The following SLC39A12 variants were observed in gnomAD, a reference collection of about 807,000 sequenced individuals.
SLC39A12 encodes the protein zinc transporter ZIP12.
In SLC39A12, 63 loss-of-function variants were observed where a neutral mutation model predicts 71.1. That is an observed-to-expected ratio of 0.89 (90% CI 0.72 to 1.09). The LOEUF (loss-of-function observed/expected upper bound fraction) is 1.09, where lower values mean the gene tolerates loss of function less well. Among genes scored for constraint, SLC39A12 ranks in the 50% least tolerant of loss-of-function variants. SLC39A12 has a pLI of 0.00. For missense variants in SLC39A12, 892 were observed against 812.6 expected (o/e 1.10, Z -1.19); for synonymous variants, 351 against 301.3 (o/e 1.16, Z -1.71).
At chr10:17,997,382 T>C (rs1197004934) in intron 10 of SLC39A12, among the ~76,000 whole-genome samples, 1 of 152,240 alleles carries the variant, frequency 6.6e-6, no homozygotes, top group Admixed American at 6.5e-5. Flanking sequence ...TGTAATTACA[T>C]ATTTTGTCCA....
At chr10:18,036,233 G>C (rs560234713) in intron 12 of SLC39A12, among the ~76,000 whole-genome samples, 1 of 152,322 alleles carries the variant, frequency 6.6e-6, no homozygotes, top group African/African-American at 2.4e-5. Flanking sequence ...AATGGCGGGC[G>C]CCCCTCCCCC....
At chr10:17,965,953 A>G (rs1589221862) in intron 4 of SLC39A12, among the ~76,000 whole-genome samples, 1 of 152,222 alleles carries the variant, frequency 6.6e-6, no homozygotes, top group Non-Finnish European at 1.5e-5. Flanking sequence ...AGGCGATTTT[A>G]TGATCTGCCA....
chr10:17,963,069 G>A (rs947972573), intron 3 of SLC39A12, among the ~76,000 whole-genome samples: 2 of 152,148 alleles, frequency 1.3e-5, no homozygotes, highest in Admixed American at 6.5e-5. Context: ...GCTAAGGTGG[G>A]AGGATGGCTT....
chr10:17,984,425 C>T (rs1352450627), intron 6 of SLC39A12, among the ~76,000 whole-genome samples: 1 of 152,212 alleles, frequency 6.6e-6, no homozygotes, highest in Non-Finnish European at 1.5e-5. Flanking sequence ...CCTGATTTGT[C>T]ATTGTGCTTT....
At chr10:18,042,102 G>A (rs1461667434) in intron 12 of SLC39A12, among the ~76,000 whole-genome samples, 2 of 151,956 alleles carry the variant, frequency 1.3e-5, no homozygotes, top group East Asian at 1.9e-4. Flanking sequence ...TAATTTTGAT[G>A]CATTATTTAC....
In SLC39A12 at chr10:18,013,384, T is replaced by C. The variant is rs1836288708; in HGVS notation, c.1947+10026T>C. 2.8e-5 allele frequency among the ~76,000 whole-genome samples: 4 copies of C among 140,892 alleles called. No individual in the cohort carries two copies. In the Admixed American group the frequency reaches 2.9e-4, roughly 10 times the overall value. The allele number at this position is 140,892 out of a possible 152,430, so 92.4% of individuals were successfully genotyped here. ...TTATTATTATTATTATTATTATTAT[T>C]AGAGACAGAGTCTTGCTGTGTTGCC... On this transcript the variant is annotated intron_variant, in intron 12 of 12. Coordinates refer to ENST00000377369, the MANE Select transcript of SLC39A12 (RefSeq NM_001145195.2).
At chr10:17,967,463 C>T (rs1228087983) in intron 4 of SLC39A12, among the ~76,000 whole-genome samples, 1 of 152,128 alleles carries the variant, frequency 6.6e-6, no homozygotes, top group African/African-American at 2.4e-5. Context: ...AACTTCCCCT[C>T]GTCACTACTT....
Position 18,042,170 on chromosome 10 carries a change from A to G in SLC39A12, c.1948-535A>G, listed in dbSNP as rs114499710. Among the ~76,000 whole-genome samples the G allele has an allele frequency of 1.3e-3, 197 of 152,104 alleles. 1 individual carries two copies. Among genetic ancestry groups the G allele is most frequent in the African/African-American group, 4.5e-3 (187 of 41,420 alleles). On this transcript the variant is annotated intron_variant, in intron 12 of 12. Transcript: ENST00000377369. ...TTGGGTTTGTTTTTGGTTGGTAACT[A>G]TGTCATTTTAAGACTTCTACCAAAG...
intron 11 of SLC39A12, among the ~76,000 whole-genome samples, chr10:18,001,152 G>A (rs1835822707): frequency 6.6e-6 from 1 of 152,150 alleles, no homozygotes; most frequent in African/African-American, 2.4e-5. Flanking sequence ...TATTAAATGT[G>A]AGAAAAATAT....
At chr10:18,038,053 C>G (rs1416661829) in intron 12 of SLC39A12, among the ~76,000 whole-genome samples, 1 of 61,278 alleles carries the variant, frequency 1.6e-5, no homozygotes, top group Non-Finnish European at 3.2e-5. Context: ...AAAAAAAAAG[C>G]ACAGCTAACT....
chr10:17,961,886 G>T (rs1554848460), intron 3 of SLC39A12, 24 bp downstream of exon 3: 2 of 1,600,660 alleles, frequency 1.2e-6, no homozygotes, highest in South Asian at 1.1e-5. Flanking sequence ...ATTGCTAACT[G>T]GCTCTGCTGC....
intron 12 of SLC39A12, among the ~76,000 whole-genome samples, chr10:18,011,078 CCCTTCCTT>C (rs968266172): frequency 6.6e-6 from 1 of 151,872 alleles, no homozygotes; most frequent in East Asian, 1.9e-4. Context: ...GGTATTTCCT[CCCTTCCTT>C]CCTTCCTTCC....
intron 12 of SLC39A12, among the ~76,000 whole-genome samples, chr10:18,033,206 A>AT (rs1836900623): frequency 7.0e-6 from 1 of 142,802 alleles, no homozygotes; most frequent in Non-Finnish European, 1.5e-5. Context: ...TATTGATTGG[A>AT]ATAGTTTCAG....
At chr10:17,985,933 C>T (rs535977154) in intron 6 of SLC39A12, among the ~76,000 whole-genome samples, 21 of 152,192 alleles carry the variant, frequency 1.4e-4, no homozygotes, top group East Asian at 1.2e-3. Flanking sequence ...TTTTTATTAT[C>T]GACTGTTACA....
At chr10:18,036,179 G>C (rs1216251675) in intron 12 of SLC39A12, among the ~76,000 whole-genome samples, 1 of 152,260 alleles carries the variant, frequency 6.6e-6, no homozygotes, top group Non-Finnish European at 1.5e-5. Flanking sequence ...GTTCCACCCA[G>C]TTCCAGCTTC....
At position 17,978,047 on chromosome 10, in the gene SLC39A12, T is replaced by G; in HGVS notation, c.897T>G (p.Ser299=). ...SNFSSSMEKE[S]EDGPVSWDQT... is the part of the protein sequence containing the mutation. ...TCTCTTCATCCATGGAAAAAGAGTC[T>G]GAGGATGGTCCAGTTTCCTGGGATC... The change falls in exon 5 of 13, where the codon TCT becomes TCG. Residue 299 remains serine, a synonymous_variant. Coordinates refer to ENST00000377369, the MANE Select transcript of SLC39A12 (RefSeq NM_001145195.2). The G allele has an allele frequency of 6.2e-7, 1 of 1,604,320 alleles. No homozygotes were observed. The highest frequency in any genetic ancestry group is 2.3e-5 in the East Asian group (1 of 44,406).
intron 12 of SLC39A12, among the ~76,000 whole-genome samples, chr10:18,041,537 C>T (rs112701569): frequency 0.059 from 815 of 13,896 alleles, 41 homozygotes; most frequent in Non-Finnish European, 0.08. Context: ...TATATATATA[C>T]ACACACACAC....
chr10:17,952,197 A>T (rs557016053), intron 1 of SLC39A12, among the ~76,000 whole-genome samples, 172 bp downstream of exon 1: 43 of 152,290 alleles, frequency 2.8e-4, no homozygotes, highest in African/African-American at 9.1e-4. Context: ...CGGACATGAG[A>T]TGCTGTTAAC....
At chr10:17,992,881 A>G (rs1424541941) in intron 8 of SLC39A12, among the ~76,000 whole-genome samples, 4 of 152,248 alleles carry the variant, frequency 2.6e-5, no homozygotes. Flanking sequence ...ACAGGGTACA[A>G]TACAGTTTTG....
Sources: gnomAD v4.1 joint callset for allele counts (sites outside exome capture counted in the v4.1 genomes callset) on GRCh38, gnomAD v4.1.1 for gene constraint, MANE v1.5 for transcripts, NCBI Gene and HGNC (gene_info 2026-07-23, HGNC 2026-07-21) for gene names.